The following ATP11B variants were observed in gnomAD, a reference collection of about 807,000 sequenced individuals.
ATP11B encodes ATPase phospholipid transporting 11B (putative).
In ATP11B, 81 loss-of-function variants were observed where a neutral mutation model predicts 157.8. The observed-to-expected ratio is 0.51, with a 90% confidence interval of 0.43 to 0.62. The LOEUF (loss-of-function observed/expected upper bound fraction) is 0.62. Among genes scored for constraint, ATP11B ranks in the 20% least tolerant of loss-of-function variants. The pLI is 0.00. For synonymous variants in ATP11B, 451 were observed against 469.4 expected, an observed-to-expected ratio of 0.96 and a Z score of 0.51; for missense variants, 1,165 against 1,402.2, an observed-to-expected ratio of 0.83 and a Z score of 2.70.
chr3:182,893,169 C>CT (rs764966302), intron 25 of ATP11B, among the ~76,000 whole-genome samples: 4 of 152,048 alleles, frequency 2.6e-5, no homozygotes, highest in Non-Finnish European at 5.9e-5. Context: ...TTTGAGTAAT[C>CT]TTTTTATTTT....
intron 10 of ATP11B, among the ~76,000 whole-genome samples, chr3:182,855,268 T>G (rs1400837748): frequency 6.6e-6 from 1 of 152,168 alleles, no homozygotes; most frequent in African/African-American, 2.4e-5. Flanking sequence ...CCCAATTGAT[T>G]TTTGGCAACA....
At chr3:182,864,927 T>C (rs1307681080) in intron 12 of ATP11B, among the ~76,000 whole-genome samples, 3 of 152,190 alleles carry the variant, frequency 2.0e-5, no homozygotes, top group African/African-American at 4.8e-5. Flanking sequence ...TAAACATCGA[T>C]TTTTTTCACT....
chr3:182,915,786 CT>C, intron 29 of ATP11B: 1 of 984,298 alleles, frequency 1.0e-6, no homozygotes, highest in African/African-American at 1.7e-5. Flanking sequence ...ATTGAATTTA[CT>C]TTTACATGTT....
chr3:182,877,323 A>G (rs952178263), intron 19 of ATP11B, among the ~76,000 whole-genome samples: 3 of 152,300 alleles, frequency 2.0e-5, no homozygotes, highest in Admixed American at 1.3e-4. Context: ...AGTGACACTA[A>G]GAAGCAAACG....
chr3:182,913,305 G>GA (rs1724921158), intron 28 of ATP11B, among the ~76,000 whole-genome samples: 1 of 152,178 alleles, frequency 6.6e-6, no homozygotes, highest in South Asian at 2.1e-4. Context: ...AGAGTGCTTA[G>GA]AACCTGGCAC....
chr3:182,804,068 G>C (rs1307796513), intron 1 of ATP11B, among the ~76,000 whole-genome samples: 11 of 151,892 alleles, frequency 7.2e-5, no homozygotes, highest in African/African-American at 2.7e-4. Flanking sequence ...ATGGAAAATA[G>C]TTCTAGATTT....
At chr3:182,880,268 G>T (rs1207876372) in intron 20 of ATP11B, among the ~76,000 whole-genome samples, 2 of 152,020 alleles carry the variant, frequency 1.3e-5, no homozygotes, top group Non-Finnish European at 2.9e-5. Context: ...TCCCATATAG[G>T]TCTAATAAAT....
At chr3:182,842,427 G>A (rs186096881) in intron 8 of ATP11B, among the ~76,000 whole-genome samples, 6 of 152,220 alleles carry the variant, frequency 3.9e-5, no homozygotes, top group Admixed American at 1.3e-4. Flanking sequence ...AGATGCTCAG[G>A]GCCAGATACT....
At chr3:182,833,510 G>T (rs1718307990) in intron 4 of ATP11B, among the ~76,000 whole-genome samples, 1 of 151,968 alleles carries the variant, frequency 6.6e-6, no homozygotes, top group African/African-American at 2.4e-5. Context: ...TATTTTTTTT[G>T]TAGAGACAGG....
intron 25 of ATP11B, among the ~76,000 whole-genome samples, chr3:182,895,929 C>T (rs1400236464): frequency 6.6e-6 from 1 of 152,118 alleles, no homozygotes; most frequent in Non-Finnish European, 1.5e-5. Flanking sequence ...GGTGGTTAGG[C>T]AGGATGTTTC....
intron 7 of ATP11B, among the ~76,000 whole-genome samples, chr3:182,837,592 A>G (rs2108511659): frequency 6.6e-6 from 1 of 152,204 alleles, no homozygotes; most frequent in South Asian, 2.1e-4. Flanking sequence ...CTACTTTTAA[A>G]TTATAACCTT....
At chr3:182,878,240 C>T (rs188357664) in intron 19 of ATP11B, among the ~76,000 whole-genome samples, 36 of 152,282 alleles carry the variant, frequency 2.4e-4, no homozygotes, top group Admixed American at 6.5e-5. Context: ...CTTTAACTTA[C>T]GAAAGTTTCT....
intron 28 of ATP11B, among the ~76,000 whole-genome samples, chr3:182,906,650 C>G (rs1468241710): frequency 2.6e-5 from 4 of 152,052 alleles, no homozygotes. Flanking sequence ...TGGGTCTCGC[C>G]GTGTTGCACA....
At chr3:182,809,910 A>G (rs1035600770) in intron 1 of ATP11B, among the ~76,000 whole-genome samples, 2 of 152,232 alleles carry the variant, frequency 1.3e-5, no homozygotes, top group Non-Finnish European at 2.9e-5. Context: ...GCTAAAGTAC[A>G]TTTTTAAAAA....
chr3:182,806,986 CAGCTCCTGATTACA>C (rs1231511783), intron 1 of ATP11B, among the ~76,000 whole-genome samples: 3 of 152,002 alleles, frequency 2.0e-5, no homozygotes, highest in Non-Finnish European at 2.9e-5. Context: ...CCCAGAGGCT[CAGCTCCTGATTACA>C]GAAATGATTA....
chr3:182,816,685 C>T (rs1297025944), intron 1 of ATP11B, among the ~76,000 whole-genome samples: 1 of 152,122 alleles, frequency 6.6e-6, no homozygotes, highest in East Asian at 1.9e-4. Flanking sequence ...AATTACAAAG[C>T]AAGATTTTAA....
At chr3:182,821,871 CCT>C (rs1159752730) in intron 2 of ATP11B, among the ~76,000 whole-genome samples, 1 of 152,186 alleles carries the variant, frequency 6.6e-6, no homozygotes, top group African/African-American at 2.4e-5. Context: ...TTGCTCCTTC[CCT>C]CTCTTCTAAA....
At chr3:182,810,073 G>A (rs1716557752) in intron 1 of ATP11B, among the ~76,000 whole-genome samples, 1 of 152,012 alleles carries the variant, frequency 6.6e-6, no homozygotes, top group African/African-American at 2.4e-5. Context: ...AGCCGGTCAC[G>A]GTGGCTCATG....
chr3:182,851,735 C>T (rs1338535999), intron 10 of ATP11B, among the ~76,000 whole-genome samples: 1 of 152,088 alleles, frequency 6.6e-6, no homozygotes, highest in Non-Finnish European at 1.5e-5. Context: ...AAAGGAAGAA[C>T]AGCGAAACAA....
Sources: gnomAD v4.1 joint callset for allele counts (sites outside exome capture counted in the v4.1 genomes callset) on GRCh38, gnomAD v4.1.1 for gene constraint, MANE v1.5 for transcripts, NCBI Gene and HGNC (gene_info 2026-07-23, HGNC 2026-07-21) for gene names.